APBB2: variants seen among roughly 807,000 people sequenced by gnomAD.
APBB2 encodes amyloid beta precursor protein binding family B member 2.
Under a neutral mutation model 82.5 loss-of-function variants are expected in APBB2, and 38 were observed. The observed-to-expected ratio is 0.46, with a 90% CI of 0.36 to 0.60. APBB2 has a LOEUF of 0.60. Among genes scored for constraint, APBB2 ranks in the 20% least tolerant of loss-of-function variants. APBB2 has a pLI of 0.00. For missense variants in APBB2, 772 were observed against 972.3 expected, an observed-to-expected ratio of 0.79 and a Z score of 2.74; for synonymous variants, 341 against 368.2, an observed-to-expected ratio of 0.93 and a Z score of 0.85.
At chr4:40,901,173 A>G (rs1269164639) in intron 10 of APBB2, among the ~76,000 whole-genome samples, 1 of 152,134 alleles carries the variant, frequency 6.6e-6, no homozygotes, top group Non-Finnish European at 1.5e-5. Context: ...CAGTTTCCTC[A>G]TCTGTTGCCA....
At chr4:41,110,067 T>C (rs1182171453) in intron 2 of APBB2, among the ~76,000 whole-genome samples, 4 of 152,096 alleles carry the variant, frequency 2.6e-5, no homozygotes, top group Non-Finnish European at 2.9e-5. Flanking sequence ...AACTGATTTA[T>C]CCATCAAGAC....
chr4:40,882,983 G>A (rs1406175816), intron 12 of APBB2, among the ~76,000 whole-genome samples: 1 of 152,172 alleles, frequency 6.6e-6, no homozygotes, highest in African/African-American at 2.4e-5. Context: ...GCAAGTTCCA[G>A]GTGTGTTTAA....
intron 6 of APBB2, among the ~76,000 whole-genome samples, chr4:41,005,900 C>T (rs947483506): frequency 6.6e-6 from 1 of 152,220 alleles, no homozygotes; most frequent in African/African-American, 2.4e-5. Context: ...CTAACATCCA[C>T]ATCCCAACTG....
chr4:41,148,027 G>C (rs538153225), intron 1 of APBB2, among the ~76,000 whole-genome samples: 9 of 152,220 alleles, frequency 5.9e-5, no homozygotes, highest in African/African-American at 1.7e-4. Flanking sequence ...AGGTTAAAAT[G>C]TCTGGGAAAG....
intron 12 of APBB2, among the ~76,000 whole-genome samples, chr4:40,888,986 G>A (rs980919486): frequency 6.6e-6 from 1 of 152,258 alleles, no homozygotes; most frequent in Non-Finnish European, 1.5e-5. Flanking sequence ...TATCACCAGA[G>A]AGCTTCCTCG....
At chr4:40,865,682 T>C (rs1303645382) in intron 12 of APBB2, among the ~76,000 whole-genome samples, 3 of 152,216 alleles carry the variant, frequency 2.0e-5, no homozygotes, top group Non-Finnish European at 2.9e-5. Context: ...CATCTACCAG[T>C]TGATAGGTAT....
chr4:40,912,900 G>A (rs1378181873), intron 10 of APBB2, among the ~76,000 whole-genome samples: 2 of 152,200 alleles, frequency 1.3e-5, no homozygotes, highest in African/African-American at 4.8e-5. Context: ...CTTACTCCCT[G>A]AAAGTGTGAG....
chr4:41,141,132 G>A (rs1759012122), intron 2 of APBB2, among the ~76,000 whole-genome samples: 1 of 152,146 alleles, frequency 6.6e-6, no homozygotes, highest in Non-Finnish European at 1.5e-5. Flanking sequence ...CCTAAAGACA[G>A]GGACTATGCC....
At chr4:41,198,498 AG>A in intron 1 of APBB2, among the ~76,000 whole-genome samples, 1 of 152,232 alleles carries the variant, frequency 6.6e-6, no homozygotes, top group East Asian at 1.9e-4. Flanking sequence ...AAACAACTAT[AG>A]GAAGATGGTG....
rs145758297 is a variant in APBB2, at chr4:41,110,082, C to T, written c.-260-9332G>A. ...AACTGATTTATCCATCAAGACTCCA[C>T]CCAGAGACCACCTTTCTTTCTAATT... On this transcript the variant is annotated intron_variant, in intron 2 of 17. Transcript: ENST00000508593. Among the ~76,000 whole-genome samples the T allele has an allele frequency of 1.2e-3, 181 of 151,452 alleles. 1 individual carries two copies. The highest frequency in any genetic ancestry group is 4.3e-3 in the African/African-American group (177 of 41,538).
At chr4:41,179,164 T>A (rs771815383) in intron 1 of APBB2, among the ~76,000 whole-genome samples, 1 of 152,238 alleles carries the variant, frequency 6.6e-6, no homozygotes, top group African/African-American at 2.4e-5. Flanking sequence ...CCAAGTGTCA[T>A]ACAGTGTGAG....
At chr4:41,020,522 G>A (rs1811196179) in intron 5 of APBB2, among the ~76,000 whole-genome samples, 1 of 152,160 alleles carries the variant, frequency 6.6e-6, no homozygotes, top group Admixed American at 6.5e-5. Flanking sequence ...ACAGAATCAG[G>A]AAGGAACCAT....
intron 7 of APBB2, among the ~76,000 whole-genome samples, chr4:40,941,397 T>A (rs1786876103): frequency 6.6e-6 from 1 of 152,140 alleles, no homozygotes; most frequent in Non-Finnish European, 1.5e-5. Flanking sequence ...TGACATAGCC[T>A]CCCTTAGGGT....
At chr4:41,155,961 G>A (rs564295461) in intron 1 of APBB2, among the ~76,000 whole-genome samples, 3 of 151,994 alleles carry the variant, frequency 2.0e-5, no homozygotes, top group African/African-American at 7.2e-5. Context: ...TTGTTTCCTC[G>A]GGGCATCTAT....
At chr4:41,064,443 T>C (rs956439606) in intron 4 of APBB2, among the ~76,000 whole-genome samples, 1 of 152,230 alleles carries the variant, frequency 6.6e-6, no homozygotes, top group Non-Finnish European at 1.5e-5. Flanking sequence ...AAAGCACTTA[T>C]GGGGAATTAC....
At chr4:40,941,160 C>T (rs1197721973) in intron 7 of APBB2, among the ~76,000 whole-genome samples, 1 of 150,904 alleles carries the variant, frequency 6.6e-6, no homozygotes, top group Non-Finnish European at 1.5e-5. Context: ...TTTTTGAAGC[C>T]AGCTCAGAAA....
chr4:40,848,837 C>T, intron 12 of APBB2: 1 of 984,894 alleles, frequency 1.0e-6, no homozygotes, highest in Non-Finnish European at 1.2e-6. Flanking sequence ...AGGTCCTCCC[C>T]TCATCATCCT....
At chr4:40,926,190 T>C (rs1184735734) in intron 10 of APBB2, among the ~76,000 whole-genome samples, 1 of 152,244 alleles carries the variant, frequency 6.6e-6, no homozygotes, top group Non-Finnish European at 1.5e-5. Flanking sequence ...TATAATGTTA[T>C]TACTCTGTGT....
At chr4:41,204,180 G>A (rs960969827) in intron 1 of APBB2, among the ~76,000 whole-genome samples, 6 of 152,220 alleles carry the variant, frequency 3.9e-5, no homozygotes, top group Non-Finnish European at 5.9e-5. Flanking sequence ...TCGTAAGAAC[G>A]AGATGGAAAG....
Sources: gnomAD v4.1 joint callset for allele counts (sites outside exome capture counted in the v4.1 genomes callset) on GRCh38, gnomAD v4.1.1 for gene constraint, MANE v1.5 for transcripts, NCBI Gene and HGNC (gene_info 2026-07-23, HGNC 2026-07-21) for gene names.